Variants in ZNF385D observed in about 807,000 individuals in gnomAD.
ZNF385D encodes zinc finger protein 659.
Under a neutral mutation model 35.8 loss-of-function variants are expected in ZNF385D, and 15 were observed. That is an observed-to-expected ratio of 0.42 (90% CI 0.28 to 0.64). ZNF385D has a LOEUF of 0.64. Among genes scored for constraint, ZNF385D ranks in the 30% least tolerant of loss-of-function variants. ZNF385D has a pLI of 0.23. For synonymous variants in ZNF385D, 212 were observed against 186.8 expected, an observed-to-expected ratio of 1.13 and a Z score of -1.10; for missense variants, 474 against 494.6, an observed-to-expected ratio of 0.96 and a Z score of 0.39.
At chr3:21,961,353 T>G (rs1702581853) in intron 3 of ZNF385D, 1 of 152,140 alleles carries the variant, frequency 6.6e-6, no homozygotes, top group Non-Finnish European at 1.5e-5. Flanking sequence ...TATGTGGCAT[T>G]TGGAAAATAT....
At chr3:22,311,143 G>C (rs919889479) in intron 2 of ZNF385D, among the ~76,000 whole-genome samples, 1 of 151,730 alleles carries the variant, frequency 6.6e-6, no homozygotes, top group Admixed American at 6.6e-5. Flanking sequence ...AGGAGAAAAA[G>C]GAAGCAGAAT....
intron 3 of ZNF385D, among the ~76,000 whole-genome samples, chr3:21,907,555 A>G (rs1699743158): frequency 2.6e-5 from 4 of 152,110 alleles, no homozygotes; most frequent in Admixed American, 6.6e-5. Context: ...TAGCACTGCT[A>G]TGGACATTTT....
intron 3 of ZNF385D, among the ~76,000 whole-genome samples, chr3:21,757,665 T>C (rs2070407623): frequency 6.6e-6 from 1 of 152,166 alleles, no homozygotes; most frequent in African/African-American, 2.4e-5. Context: ...CACCTCTGTA[T>C]ACATGGAGCT....
intron 4 of ZNF385D, among the ~76,000 whole-genome samples, chr3:21,481,416 A>C (rs965454809): frequency 6.6e-6 from 1 of 152,086 alleles, no homozygotes; most frequent in Non-Finnish European, 1.5e-5. Context: ...CCCCATACAC[A>C]TTCTCCTCTA....
chr3:21,432,635 A>G (rs1701347809), intron 5 of ZNF385D, among the ~76,000 whole-genome samples: 2 of 152,088 alleles, frequency 1.3e-5, no homozygotes, highest in Non-Finnish European at 2.9e-5. Flanking sequence ...AAAGAAAAAC[A>G]CATCTTTTGT....
chr3:21,799,785 G>C (rs895124466), intron 3 of ZNF385D, among the ~76,000 whole-genome samples: 1 of 151,608 alleles, frequency 6.6e-6, no homozygotes, highest in Non-Finnish European at 1.5e-5. Context: ...ATTTTTTCTT[G>C]TTACTTTTAC....
At chr3:22,126,014 A>C (rs968632722) in intron 3 of ZNF385D, among the ~76,000 whole-genome samples, 1 of 151,924 alleles carries the variant, frequency 6.6e-6, no homozygotes, top group East Asian at 1.9e-4. Flanking sequence ...AAAGCTTTTA[A>C]TTTTTTTCCA....
chr3:22,315,631 C>T (rs757906045), intron 2 of ZNF385D, among the ~76,000 whole-genome samples: 33 of 152,106 alleles, frequency 2.2e-4, no homozygotes, highest in Non-Finnish European at 3.8e-4. Context: ...TGAGCTAAAA[C>T]AAGATATTAA....
At chr3:21,856,116 G>A (rs1049673976) in intron 3 of ZNF385D, among the ~76,000 whole-genome samples, 7 of 151,062 alleles carry the variant, frequency 4.6e-5, no homozygotes, top group African/African-American at 1.2e-4. Context: ...TATCTGAGAG[G>A]AGAAATTTTT....
chr3:22,221,432 T>G (rs1698250155), intron 2 of ZNF385D, among the ~76,000 whole-genome samples: 1 of 152,078 alleles, frequency 6.6e-6, no homozygotes, highest in East Asian at 1.9e-4. Flanking sequence ...TAACATTTAA[T>G]TAATTTATAT....
intron 2 of ZNF385D, among the ~76,000 whole-genome samples, chr3:22,241,568 G>T (rs779730283): frequency 1.3e-5 from 2 of 151,084 alleles, no homozygotes; most frequent in African/African-American, 4.9e-5. Context: ...TCAGGCTTTG[G>T]ATTTATTATT....
At chr3:22,166,447 T>C (rs1452528450) in intron 3 of ZNF385D, among the ~76,000 whole-genome samples, 4 of 152,218 alleles carry the variant, frequency 2.6e-5, no homozygotes, top group African/African-American at 7.2e-5. Context: ...AAAGTACAGA[T>C]ACTTAAGTGA....
chr3:22,110,297 CA>C (rs1412768282), intron 3 of ZNF385D, among the ~76,000 whole-genome samples: 1 of 151,820 alleles, frequency 6.6e-6, no homozygotes, highest in East Asian at 1.9e-4. Context: ...GGTATATACC[CA>C]AAGGATTATA....
At chr3:22,243,388 C>G (rs1319984296) in intron 2 of ZNF385D, among the ~76,000 whole-genome samples, 1 of 150,820 alleles carries the variant, frequency 6.6e-6, no homozygotes, top group Non-Finnish European at 1.5e-5. Context: ...AGATTTACAG[C>G]TGAATACTTT....
chr3:22,092,657 T>C (rs767298016), intron 3 of ZNF385D, among the ~76,000 whole-genome samples: 1 of 152,102 alleles, frequency 6.6e-6, no homozygotes, highest in Non-Finnish European at 1.5e-5. Flanking sequence ...CCCCTATAAT[T>C]TGCTATTACT....
rs1372903554 is a variant in ZNF385D, at chr3:21,419,834, T to G, written c.*1380A>C. On this transcript the variant is annotated 3_prime_UTR_variant, in exon 8 of 8. Transcript: ENST00000281523. ...TTTTTTCTTTTTATAACTTATTCTC[T>G]TAATCTTTCTAACATATATACAATA... The G allele has an allele frequency of 1.3e-5, 2 of 151,954 alleles. No homozygotes were observed. Among genetic ancestry groups the G allele is most frequent in the Non-Finnish European group, 2.9e-5 (2 of 67,978 alleles). The allele number at this position is 151,954 out of a possible 1,614,324, so 9.4% of individuals were successfully genotyped here.
intron 3 of ZNF385D, among the ~76,000 whole-genome samples, chr3:22,044,093 C>CA (rs1698838503): frequency 6.8e-6 from 1 of 146,814 alleles, no homozygotes; most frequent in East Asian, 2.0e-4. Context: ...CTGGGAAAAA[C>CA]TTTTTTTTTT....
intron 3 of ZNF385D, among the ~76,000 whole-genome samples, chr3:22,113,936 C>A (rs1483250972): frequency 6.6e-6 from 1 of 152,016 alleles, no homozygotes; most frequent in Non-Finnish European, 1.5e-5. Flanking sequence ...AGGGTACATT[C>A]ATTGGAACTA....
chr3:21,683,139 A>G (rs2066970024), intron 1 of ZNF385D, among the ~76,000 whole-genome samples: 1 of 149,782 alleles, frequency 6.7e-6, no homozygotes, highest in African/African-American at 2.5e-5. Context: ...CCACAAATTG[A>G]AAACACTGAG....
Sources: allele counts gnomAD v4.1 joint callset (sites outside exome capture counted in the v4.1 genomes callset), GRCh38; gene constraint gnomAD v4.1.1; transcripts MANE v1.5; gene names NCBI Gene and HGNC (gene_info 2026-07-23, HGNC 2026-07-21).